The following PDE3B variants were observed in gnomAD, a reference collection of about 807,000 sequenced individuals.
The protein encoded by PDE3B is phosphodiesterase 3B.
Under a neutral mutation model 116.8 loss-of-function variants are expected in PDE3B, and 66 were observed. The ratio of observed to expected loss-of-function variants is 0.56; its 90% CI spans 0.46 to 0.69. PDE3B has a LOEUF of 0.69. Among genes scored for constraint, PDE3B ranks in the 30% least tolerant of loss-of-function variants. The probability of loss-of-function intolerance (pLI) is 0.00; values close to 1 mark genes in which losing one functional copy is unlikely to be tolerated. For missense variants in PDE3B, 1,384 were observed against 1,368.1 expected (o/e 1.01, Z -0.18); for synonymous variants, 595 against 533.6 (o/e 1.12, Z -1.59).
At chr11:14,848,750 G>T (rs1319317095) in intron 12 of PDE3B, among the ~76,000 whole-genome samples, 5 of 152,160 alleles carry the variant, frequency 3.3e-5, no homozygotes, top group African/African-American at 1.2e-4. Flanking sequence ...TTGCTACAAA[G>T]AGGATAAAAT....
At chr11:14,683,432 A>G (rs1166710671) in intron 1 of PDE3B, among the ~76,000 whole-genome samples, 1 of 151,914 alleles carries the variant, frequency 6.6e-6, no homozygotes, top group Non-Finnish European at 1.5e-5. Flanking sequence ...TAATCGATTC[A>G]TTTCATCTAA....
chr11:14,756,810 T>C (rs1400593574), intron 1 of PDE3B, among the ~76,000 whole-genome samples: 1 of 151,942 alleles, frequency 6.6e-6, no homozygotes, highest in East Asian at 1.9e-4. Context: ...TTATTTTTTT[T>C]TTTTATTATA....
rs188457410 is a variant in PDE3B at position 14,841,508 on chromosome 11, C to G, written c.2321-2319C>G. ...TCTCTTATCTTATAGCGATCAGTCT[C>G]TTTCCCTATGAACTCCAGTTCTTAT... is the stretch of plus-strand genomic sequence containing the variant. On this transcript the variant is annotated intron_variant, in intron 11 of 15. Transcript: ENST00000282096. Among the ~76,000 whole-genome samples, 6 of 150,294 alleles carry G rather than the reference C, an allele frequency of 4.0e-5. No homozygotes were observed. The East Asian group carries it at 1.2e-3, about 30-fold the overall frequency.
Position 14,692,665 on chromosome 11 carries a change from A to T in PDE3B, c.978+47612A>T, listed in dbSNP as rs186455183. ...CAACACGAATCACTGCACCCAGAGA[A>T]GAGAGCTAACTTAATTGATAAATGT... On this transcript the variant is annotated intron_variant, in intron 1 of 15. Transcript: ENST00000282096. 1.8e-4 allele frequency among the ~76,000 whole-genome samples: 28 copies of T among 152,226 alleles called. 1 individual carries two copies. The East Asian group carries it at 5.2e-3, about 28-fold the overall frequency.
At chr11:14,740,665 G>A (rs1014802245) in intron 1 of PDE3B, among the ~76,000 whole-genome samples, 1 of 152,092 alleles carries the variant, frequency 6.6e-6, no homozygotes, top group Non-Finnish European at 1.5e-5. Context: ...GTTTGCTCTT[G>A]CTTCTCTAGT....
chr11:14,754,954 G>C (rs1367747618), intron 1 of PDE3B, among the ~76,000 whole-genome samples: 2 of 152,064 alleles, frequency 1.3e-5, no homozygotes, highest in South Asian at 2.1e-4. Context: ...CCCATTATCT[G>C]TTGTACTTTT....
At position 14,861,380 on chromosome 11, in the gene PDE3B, T is replaced by C. The variant is rs782673229; in HGVS notation, c.2886+14T>C. 17 of 1,609,968 alleles carry C rather than the reference T, an allele frequency of 1.1e-5. No homozygotes were observed. The East Asian group carries it at 3.8e-4, about 36-fold the overall frequency. ...TTTTATGAGCAGGTAAGTTGAAACC[T>C]GAGCTTGGTGGGATTTTTAAGAGCT... On this transcript the variant is annotated intron_variant, in intron 14 of 15. Coordinates refer to ENST00000282096, the MANE Select transcript of PDE3B (RefSeq NM_000922.4).
rs1167358667 is a variant in PDE3B, at chr11:14,706,126, C to T, written c.978+61073C>T. On this transcript the variant is annotated intron_variant, in intron 1 of 15. Transcript: ENST00000282096. ...TTTTACCTTCCTTTCTCCCCCTCTC[C>T]TTCCCTTTGTTTCTCCCTCCCTCCT... Among the ~76,000 whole-genome samples the T allele has an allele frequency of 4.6e-5, 7 of 151,582 alleles. 1 individual carries two copies. Among genetic ancestry groups the T allele is most frequent in the Admixed American group, 4.6e-4 (7 of 15,176 alleles).
rs1278571624 is a variant in PDE3B at position 14,870,100 on chromosome 11, T to C, written c.*440T>C. 6.4e-6 allele frequency: 1 copy of C among 157,218 alleles called. No individual in the cohort carries two copies. Among genetic ancestry groups the C allele is most frequent in the Non-Finnish European group, 1.4e-5 (1 of 71,578 alleles). The allele number at this position is 157,218 out of a possible 1,614,324, so 9.7% of individuals were successfully genotyped here. A position where few individuals can be genotyped will look rare whatever the true frequency, so the allele number is the denominator to read the frequency against. On this transcript the variant is annotated 3_prime_UTR_variant, in exon 16 of 16. Coordinates refer to ENST00000282096, the MANE Select transcript of PDE3B (RefSeq NM_000922.4). This position sits in a 1 kb window ranked among gnomAD's most constrained non-coding sequence, Gnocchi z 4.1. ...TATTTCCCAGTGTGTCTTTTATGTC[T>C]TTGAATGTTTTGGAGAAAAGTCTAT... is the stretch of plus-strand genomic sequence containing the variant.
At chr11:14,767,629 T>C (rs972450107) in intron 1 of PDE3B, among the ~76,000 whole-genome samples, 5 of 151,506 alleles carry the variant, frequency 3.3e-5, no homozygotes, top group Non-Finnish European at 7.4e-5. Flanking sequence ...ATTTGTTCTC[T>C]TTTAGAATAA....
At chr11:14,792,760 C>T (rs531842838) in intron 4 of PDE3B, among the ~76,000 whole-genome samples, 1 of 152,242 alleles carries the variant, frequency 6.6e-6, no homozygotes, top group Non-Finnish European at 1.5e-5. Flanking sequence ...CATCTGTGCA[C>T]CCTTTTAATT....
intron 12 of PDE3B, among the ~76,000 whole-genome samples, chr11:14,851,452 T>G (rs1460999007): frequency 6.6e-6 from 1 of 151,586 alleles, no homozygotes. Flanking sequence ...TGTGTTGGGG[T>G]CGGGGGAAGG....
intron 1 of PDE3B, among the ~76,000 whole-genome samples, chr11:14,672,129 T>C (rs1160977320): frequency 6.6e-6 from 1 of 150,746 alleles, no homozygotes; most frequent in East Asian, 1.9e-4. Flanking sequence ...TAATTAGGTA[T>C]ACAATTGGCT....
At chr11:14,818,424 T>C in intron 6 of PDE3B, 31 bp downstream of exon 6, 1 of 1,460,218 alleles carries the variant, frequency 6.8e-7, no homozygotes, top group Non-Finnish European at 9.6e-7. Flanking sequence ...TTATTTCTGT[T>C]TCAAAATGTT....
the PDE3B span, among the ~76,000 whole-genome samples, chr11:14,899,158 C>T: frequency 6.6e-6 from 1 of 152,004 alleles, no homozygotes; most frequent in Admixed American, 6.5e-5. Flanking sequence ...ATGATTACCT[C>T]ATTTTTTCGC....
At chr11:14,891,564 A>C in the PDE3B span, 91 of 1,029,510 alleles carry the variant, frequency 8.8e-5, no homozygotes, top group Admixed American at 1.1e-4. Context: ...GAACGCCTTG[A>C]TTTTCCGACA....
At chr11:14,765,305 A>G (rs1451066660) in intron 1 of PDE3B, among the ~76,000 whole-genome samples, 4 of 151,964 alleles carry the variant, frequency 2.6e-5, no homozygotes, top group African/African-American at 9.7e-5. Flanking sequence ...CTTTTTGGCT[A>G]CATAGAGAAC....
At chr11:14,704,610 AG>A (rs1855475302) in intron 1 of PDE3B, among the ~76,000 whole-genome samples, 1 of 151,742 alleles carries the variant, frequency 6.6e-6, no homozygotes, top group Non-Finnish European at 1.5e-5. Flanking sequence ...ATACATATTC[AG>A]TTGGTTTTTG....
Position 14,646,616 on chromosome 11 carries a change from G to C in PDE3B, c.978+1563G>C, listed in dbSNP as rs186180950. Among the ~76,000 whole-genome samples the C allele has an allele frequency of 5.3e-5, 8 of 152,250 alleles. No individual in the cohort carries two copies. The East Asian group carries it at 1.5e-3, about 29-fold the overall frequency. ...TTTTTAACACTGGAAAATTGTTTTA[G>C]CAGTTTCATCACTTTTGTGGGCAAT... On this transcript the variant is annotated intron_variant, in intron 1 of 15. Transcript: ENST00000282096.
Sources: allele counts gnomAD v4.1 joint callset (sites outside exome capture counted in the v4.1 genomes callset), GRCh38; gene constraint gnomAD v4.1.1; non-coding constraint Gnocchi (gnomAD v3.1); transcripts MANE v1.5; gene names NCBI Gene and HGNC (gene_info 2026-07-23, HGNC 2026-07-21).